BIRC6: variants seen among roughly 807,000 people sequenced by gnomAD.
BIRC6 encodes dual E2 ubiquitin-conjugating enzyme/E3 ubiquitin-protein ligase BIRC6.
Under a neutral mutation model 503.3 loss-of-function variants are expected in BIRC6, and 98 were observed. The ratio of observed to expected loss-of-function variants is 0.19; its 90% confidence interval spans 0.17 to 0.23. The LOEUF is 0.23. Ranked by LOEUF, BIRC6 falls within the 10% of genes least tolerant of loss-of-function variation. The probability of loss-of-function intolerance (pLI) is 1.00; values close to 1 mark genes in which losing one functional copy is unlikely to be tolerated. For synonymous variants in BIRC6, 2,240 were observed against 2,078.7 expected, an observed-to-expected ratio of 1.08 and a Z score of -2.11; for missense variants, 5,360 against 5,806.0, an observed-to-expected ratio of 0.92 and a Z score of 2.50.
chr2:32,373,530 C>A (rs751545816), intron 1 of BIRC6, among the ~76,000 whole-genome samples: 5 of 152,110 alleles, frequency 3.3e-5, no homozygotes, highest in Admixed American at 6.6e-5. Context: ...TGGATACTCA[C>A]GTGCAAAAAG....
intron 20 of BIRC6, among the ~76,000 whole-genome samples, chr2:32,445,108 C>T (rs2045817046): frequency 6.6e-6 from 1 of 152,188 alleles, no homozygotes; most frequent in African/African-American, 2.4e-5. Flanking sequence ...CTGCCATCCA[C>T]TATTTTTTAA....
chr2:32,574,981 CG>C (rs2060166587), intron 65 of BIRC6, among the ~76,000 whole-genome samples, 174 bp from the exon 66 acceptor site: 1 of 152,206 alleles, frequency 6.6e-6, no homozygotes, highest in Non-Finnish European at 1.5e-5. Flanking sequence ...CTCCCGACCT[CG>C]GGTGATCTGC....
At chr2:32,467,118 CAAAA>C (rs1207152761) in intron 26 of BIRC6, among the ~76,000 whole-genome samples, 5 of 82,006 alleles carry the variant, frequency 6.1e-5, no homozygotes, top group Admixed American at 2.8e-4. Flanking sequence ...GACTCCGTCT[CAAAA>C]AAAAAAAAAA....
At position 32,515,417 on chromosome 2, in the gene BIRC6, C is replaced by G. The variant is rs61757639; in HGVS notation, c.10996C>G (p.Arg3666Gly). The G allele has an allele frequency of 6.2e-7, 1 of 1,612,954 alleles. No individual in the cohort carries two copies. Among genetic ancestry groups the G allele is most frequent in the East Asian group, 2.2e-5 (1 of 44,868 alleles). The change falls in exon 55 of 74, where the codon CGC (arginine) becomes GGC (glycine). Residue 3666 changes from arginine to glycine, a missense_variant. Physicochemically the swap from Arg to Gly is moderately radical, Grantham distance 125 (BLOSUM62 -2). This residue lies in a region of BIRC6 where 878 missense variants were observed against 928.9 expected (regional missense o/e 0.95). Transcript: ENST00000421745. Reference sequence around the variant, plus strand: ...AGATATTTCCCAGGACAAACTCAGGCGCCATCATGTCCCACAACAATGTAA... The same window carrying G: ...AGATATTTCCCAGGACAAACTCAGGGGCCATCATGTCCCACAACAATGTAA... ...SIDISQDKLR[R>G]HHVPQQCNKM...
chr2:32,571,802 T>A (rs1205268233), intron 65 of BIRC6, among the ~76,000 whole-genome samples: 4 of 151,400 alleles, frequency 2.6e-5, no homozygotes, highest in East Asian at 1.9e-4. Context: ...CTTTTCTAGT[T>A]CCTTGAGGTA....
At chr2:32,484,057 G>C (rs1414448695) in intron 39 of BIRC6, among the ~76,000 whole-genome samples, 2 of 152,088 alleles carry the variant, frequency 1.3e-5, no homozygotes, top group Non-Finnish European at 2.9e-5. Flanking sequence ...CTGCCTCCTA[G>C]AATCAAGAAG....
At chr2:32,390,780 G>A (rs2039124822) in intron 4 of BIRC6, among the ~76,000 whole-genome samples, 1 of 152,086 alleles carries the variant, frequency 6.6e-6, no homozygotes, top group Non-Finnish European at 1.5e-5. Flanking sequence ...TAGTTCAGTA[G>A]CAATATTTAT....
chr2:32,405,469 C>T (rs539858615), intron 8 of BIRC6, among the ~76,000 whole-genome samples: 2 of 152,284 alleles, frequency 1.3e-5, no homozygotes, highest in African/African-American at 2.4e-5. Flanking sequence ...CAGTAATATC[C>T]TTAAGCATTT....
chr2:32,571,402 T>TTTG (rs2059906741), intron 65 of BIRC6, among the ~76,000 whole-genome samples: 2 of 145,254 alleles, frequency 1.4e-5, no homozygotes, highest in Non-Finnish European at 3.0e-5. Flanking sequence ...TTTTTTTTTT[T>TTTG]GTTGGGAGAT....
At chr2:32,538,552 A>G (rs181154072) in intron 61 of BIRC6, among the ~76,000 whole-genome samples, 86 of 152,378 alleles carry the variant, frequency 5.6e-4, no homozygotes, top group Admixed American at 1.5e-3. Flanking sequence ...TGATCTCCCA[A>G]TAATTTACGT....
intron 22 of BIRC6, among the ~76,000 whole-genome samples, chr2:32,453,284 A>G (rs1241377170): frequency 6.6e-6 from 1 of 152,158 alleles, no homozygotes; most frequent in Non-Finnish European, 1.5e-5. Context: ...GCCTCATTCT[A>G]TAAAACTGAT....
At chr2:32,533,926 G>A (rs949713214) in intron 61 of BIRC6, among the ~76,000 whole-genome samples, 3 of 152,216 alleles carry the variant, frequency 2.0e-5, no homozygotes, top group African/African-American at 7.2e-5. Context: ...AGCAGCAGTA[G>A]AAAACTAATA....
intron 26 of BIRC6, among the ~76,000 whole-genome samples, chr2:32,465,963 G>C (rs2048498747): frequency 6.6e-6 from 1 of 152,182 alleles, no homozygotes; most frequent in African/African-American, 2.4e-5. Flanking sequence ...ATGACATTTA[G>C]AGTGGAAATT....
chr2:32,597,377 C>A (rs967276262), intron 68 of BIRC6, among the ~76,000 whole-genome samples: 5 of 152,032 alleles, frequency 3.3e-5, no homozygotes, highest in African/African-American at 1.2e-4. Flanking sequence ...TATCAAGTAG[C>A]CATTGTCTTT....
chr2:32,508,880 C>T (rs549721653), intron 51 of BIRC6, among the ~76,000 whole-genome samples: 17 of 151,994 alleles, frequency 1.1e-4, no homozygotes, highest in African/African-American at 3.1e-4. Context: ...GTCAGGAGAT[C>T]GAAACCATCC....
intron 66 of BIRC6, among the ~76,000 whole-genome samples, chr2:32,588,275 G>A (rs1047026531): frequency 6.6e-6 from 1 of 152,130 alleles, no homozygotes; most frequent in African/African-American, 2.4e-5. Context: ...AGAATTGCTG[G>A]AACCTGGAAG....
intron 66 of BIRC6, among the ~76,000 whole-genome samples, chr2:32,577,658 C>G (rs1387206722): frequency 6.6e-6 from 1 of 152,104 alleles, no homozygotes; most frequent in Non-Finnish European, 1.5e-5. Flanking sequence ...CCTCTTTGGT[C>G]TATTTGCTTT....
chr2:32,426,817 A>G (rs2043553999), intron 10 of BIRC6, among the ~76,000 whole-genome samples: 1 of 152,144 alleles, frequency 6.6e-6, no homozygotes, highest in South Asian at 2.1e-4. Flanking sequence ...ACTTATCATA[A>G]GGCAGGTTGC....
Position 32,513,126 on chromosome 2 carries a change from C to A in BIRC6, c.10540C>A (p.Pro3514Thr). Residue 3514 changes from proline to threonine, a missense_variant, in exon 54 of 74, where the codon CCA becomes ACA. Pro to Thr is a conservative substitution (Grantham distance 38). Coordinates refer to ENST00000421745, the MANE Select transcript of BIRC6 (RefSeq NM_016252.4). ...SYELLVEYDLPALLDQELFEL... is the reference protein window; with the variant it reads ...SYELLVEYDLTALLDQELFEL... Reference sequence around the variant, plus strand: ...TGAGCTGCTTGTAGAATATGACTTACCAGCACTCCTGGACCAAGAGCTCTT... The same window carrying A: ...TGAGCTGCTTGTAGAATATGACTTAACAGCACTCCTGGACCAAGAGCTCTT... 6.2e-7 allele frequency: 1 copy of A among 1,613,668 alleles called. No individual in the cohort carries two copies. The highest frequency in any genetic ancestry group is 8.5e-7 in the Non-Finnish European group (1 of 1,179,788).
Sources: allele counts gnomAD v4.1 joint callset (sites outside exome capture counted in the v4.1 genomes callset), GRCh38; gene constraint gnomAD v4.1.1; regional missense constraint gnomAD v4.1.1; transcripts MANE v1.5; gene names NCBI Gene and HGNC (gene_info 2026-07-23, HGNC 2026-07-21).